CACNB2: variants seen among roughly 807,000 people sequenced by gnomAD.
The protein encoded by CACNB2 is voltage-dependent L-type calcium channel subunit beta-2.
A neutral mutation model predicts 73.3 loss-of-function variants in CACNB2; 42 were observed. The observed-to-expected ratio is 0.57, with a 90% confidence interval of 0.45 to 0.74. The LOEUF is 0.74. Ranked by LOEUF, CACNB2 falls within the 30% of genes least tolerant of loss-of-function variation. The pLI, the probability that CACNB2 is intolerant of heterozygous loss-of-function variation, is 0.00. For synonymous variants in CACNB2, 348 were observed against 310.3 expected, an observed-to-expected ratio of 1.12 and a Z score of -1.28; for missense variants, 940 against 853.0, an observed-to-expected ratio of 1.10 and a Z score of -1.27.
At chr10:18,322,936 A>G (rs964306218) in intron 2 of CACNB2, among the ~76,000 whole-genome samples, 6 of 147,190 alleles carry the variant, frequency 4.1e-5, no homozygotes, top group Non-Finnish European at 7.5e-5. Context: ...GATAGCCACT[A>G]CCTTAACTTT....
chr10:18,453,868 C>T (rs2047135819), intron 3 of CACNB2, among the ~76,000 whole-genome samples: 1 of 152,124 alleles, frequency 6.6e-6, no homozygotes, highest in South Asian at 2.1e-4. Flanking sequence ...CTTCTGACCT[C>T]AGGTCATTTG....
intron 3 of CACNB2, among the ~76,000 whole-genome samples, chr10:18,466,381 C>A (rs1264640958): frequency 1.3e-5 from 2 of 152,054 alleles, no homozygotes; most frequent in African/African-American, 4.8e-5. Flanking sequence ...GACTACAGGT[C>A]CCAGCACACC....
chr10:18,341,606 C>A (rs1211106865), intron 2 of CACNB2, among the ~76,000 whole-genome samples: 2 of 151,966 alleles, frequency 1.3e-5, no homozygotes, highest in African/African-American at 4.8e-5. Flanking sequence ...ACAAAAAAAA[C>A]CCTGAACCTA....
intron 2 of CACNB2, among the ~76,000 whole-genome samples, chr10:18,159,302 C>T (rs1018342056): frequency 6.6e-6 from 1 of 152,156 alleles, no homozygotes; most frequent in African/African-American, 2.4e-5. Context: ...GATTTTTTTC[C>T]ATAGGTTGCT....
At chr10:18,424,332 A>G (rs1278918626) in intron 3 of CACNB2, among the ~76,000 whole-genome samples, 2 of 152,098 alleles carry the variant, frequency 1.3e-5, no homozygotes, top group East Asian at 3.9e-4. Flanking sequence ...TTGCAGTCGT[A>G]TTCATACGCA....
chr10:18,527,785 T>C (rs2052626388), intron 10 of CACNB2, 88 bp downstream of exon 10: 1 of 859,664 alleles, frequency 1.2e-6, no homozygotes, highest in African/African-American at 1.6e-5. Flanking sequence ...TAATTCCATG[T>C]GTCACAGAGT....
In CACNB2 at chr10:18,456,855, G is replaced by A. The variant is rs145815072; in HGVS notation, c.334-41500G>A. The stretch of plus-strand genomic sequence containing the variant: ...TTTTAAGGCAGAATAATATTCCACC[G>A]TATGCATATACCACAATTGGGTTTA... On this transcript the variant is annotated intron_variant, in intron 3 of 13. Transcript: ENST00000324631. 6.7e-3 allele frequency among the ~76,000 whole-genome samples: 1,015 copies of A among 152,202 alleles called. 13 individuals are homozygous for A. Among genetic ancestry groups the A allele is most frequent in the African/African-American group, 0.023 (935 of 41,516 alleles).
intron 2 of CACNB2, among the ~76,000 whole-genome samples, chr10:18,332,204 T>C (rs2040832635): frequency 6.6e-6 from 1 of 152,146 alleles, no homozygotes; most frequent in East Asian, 1.9e-4. Flanking sequence ...AAAGACCTCT[T>C]TGGCTGCTCT....
intron 2 of CACNB2, among the ~76,000 whole-genome samples, chr10:18,279,291 G>A (rs536411667): frequency 6.6e-5 from 10 of 152,204 alleles, no homozygotes; most frequent in Admixed American, 2.0e-4. Context: ...TTTCCCCAAT[G>A]ATCACAGTCA....
chr10:18,539,631 C>G lies in CACNB2; in HGVS notation c.1890C>G (p.Ser630=), dbSNP rs755526655. The part of the protein sequence containing the change: ...ECNKQRSRHK[S]KDRYCEKDGE... Reference sequence around the variant, plus strand: ...ACAAGCAGCGCAGCCGTCATAAATCCAAGGATCGCTACTGTGAAAAGGATG... The same window carrying G: ...ACAAGCAGCGCAGCCGTCATAAATCGAAGGATCGCTACTGTGAAAAGGATG... The change falls in exon 14 of 14, where the codon TCC becomes TCG. Residue 630 remains serine (S), a synonymous_variant. Transcript: ENST00000324631. 4.3e-6 allele frequency: 7 copies of G among 1,613,426 alleles called. No individual in the cohort carries two copies. The highest frequency in any genetic ancestry group is 1.7e-5 in the Admixed American group (1 of 59,918).
At chr10:18,222,764 C>G (rs752338501) in intron 2 of CACNB2, among the ~76,000 whole-genome samples, 1 of 152,118 alleles carries the variant, frequency 6.6e-6, no homozygotes, top group Non-Finnish European at 1.5e-5. Context: ...TGGTAAAACC[C>G]TGTCTCTACT....
chr10:18,452,526 G>C (rs2047065029), intron 3 of CACNB2, among the ~76,000 whole-genome samples: 1 of 152,124 alleles, frequency 6.6e-6, no homozygotes, highest in Admixed American at 6.5e-5. Flanking sequence ...AAAAATAAAG[G>C]TTATCAAGGT....
chr10:18,171,548 A>AAAAAAAAAAAAAC (rs2033240537), intron 2 of CACNB2, among the ~76,000 whole-genome samples: 1 of 145,412 alleles, frequency 6.9e-6, no homozygotes, highest in Non-Finnish European at 1.5e-5. Flanking sequence ...AAAAAAAAAA[A>AAAAAAAAAAAAAC]AGGCTATTTG....
chr10:18,338,666 T>TC (rs200032391), intron 2 of CACNB2, among the ~76,000 whole-genome samples: 3 of 56,876 alleles, frequency 5.3e-5, no homozygotes, highest in African/African-American at 2.7e-4. Flanking sequence ...TCTTTTTCTT[T>TC]TTTTCTCTCT....
At chr10:18,301,789 C>T (rs1011208226) in intron 2 of CACNB2, among the ~76,000 whole-genome samples, 3 of 152,024 alleles carry the variant, frequency 2.0e-5, no homozygotes, top group East Asian at 2.0e-4. Flanking sequence ...GCTGGGATTA[C>T]AGGCATCTGC....
intron 2 of CACNB2, among the ~76,000 whole-genome samples, chr10:18,235,330 T>A (rs1305266938): frequency 6.7e-6 from 1 of 149,724 alleles, no homozygotes. Flanking sequence ...CAGCAGTGCA[T>A]GCTTGTAGTC....
At chr10:18,435,312 G>A (rs185815619) in intron 3 of CACNB2, among the ~76,000 whole-genome samples, 43 of 152,246 alleles carry the variant, frequency 2.8e-4, no homozygotes, top group African/African-American at 8.9e-4. Context: ...AACATATTTC[G>A]TTAAAAACCG....
At chr10:18,519,583 A>T in intron 9 of CACNB2, 1 of 399,426 alleles carries the variant, frequency 2.5e-6, no homozygotes, top group South Asian at 1.9e-5. Flanking sequence ...ACAGAGCCGT[A>T]ATCATCCTTT....
intron 2 of CACNB2, among the ~76,000 whole-genome samples, chr10:18,225,724 C>T (rs1564358890): frequency 6.6e-6 from 1 of 151,988 alleles, no homozygotes; most frequent in Non-Finnish European, 1.5e-5. Context: ...ACGGCAACCT[C>T]CACCTCCCGG....
Sources: allele counts gnomAD v4.1 joint callset (sites outside exome capture counted in the v4.1 genomes callset), GRCh38; gene constraint gnomAD v4.1.1; transcripts MANE v1.5; gene names NCBI Gene and HGNC (gene_info 2026-07-23, HGNC 2026-07-21).